Variants in ZNF536 observed in about 807,000 individuals in gnomAD.
ZNF536 encodes zinc finger protein 536.
Under a neutral mutation model 84.5 loss-of-function variants are expected in ZNF536, and 13 were observed. The ratio of observed to expected loss-of-function variants is 0.15; its 90% CI spans 0.10 to 0.24. The LOEUF (loss-of-function observed/expected upper bound fraction) is 0.24. ZNF536 is among the 10% of genes least tolerant of loss of function. ZNF536 has a pLI of 1.00. For synonymous variants in ZNF536, 811 were observed against 742.5 expected (o/e 1.09, Z -1.50); for missense variants, 1,536 against 1,747.5 (o/e 0.88, Z 2.16).
At chr19:30,379,770 G>C (rs933557255) in intron 1 of ZNF536, among the ~76,000 whole-genome samples, 1 of 152,034 alleles carries the variant, frequency 6.6e-6, no homozygotes, top group Admixed American at 6.6e-5. Context: ...AGGGGATGCT[G>C]TAAGGGGTGC....
At chr19:30,243,628 TAGAGA>T (rs1330245007) in intron 1 of ZNF536, among the ~76,000 whole-genome samples, 2 of 152,198 alleles carry the variant, frequency 1.3e-5, no homozygotes, top group Non-Finnish European at 1.5e-5. Flanking sequence ...TTCCCCAACT[TAGAGA>T]AGAGTTCCAA....
Position 30,549,154 on chromosome 19 carries a change from G to A in ZNF536, c.3535G>A (p.Asp1179Asn), listed in dbSNP as rs762646976. Residue 1179 changes from aspartate (D) to asparagine (N), a missense_variant, in exon 4 of 5, where the codon GAT (aspartate) becomes AAT (asparagine). Around this residue, in one of 8 missense-constraint regions of ZNF536, gnomAD observed 624 missense variants for 603.1 expected, o/e 1.03. Coordinates refer to ENST00000355537, the MANE Select transcript of ZNF536 (RefSeq NM_014717.3). ...DMDSSKGENN[D>N]EEDVETEPEM... is the part of the protein sequence containing the mutation. ...GGACTCCTCCAAGGGGGAGAACAAC[G>A]ATGAAGAGGATGTTGAAACCGAACC... 1.3e-5 allele frequency: 21 copies of A among 1,613,954 alleles called. No homozygotes were observed. Among genetic ancestry groups the A allele is most frequent in the Admixed American group, 6.7e-5 (4 of 60,012 alleles).
At chr19:30,300,882 C>G (rs1026648973) in intron 2 of ZNF536, among the ~76,000 whole-genome samples, 2 of 151,812 alleles carry the variant, frequency 1.3e-5, no homozygotes, top group Non-Finnish European at 2.9e-5. Context: ...TCTGGAGGTT[C>G]GAGTCCTAGC....
At position 30,549,258 on chromosome 19, in the gene ZNF536, C is replaced by T. The variant is rs1198557466; in HGVS notation, c.3639C>T (p.Gly1213=). The T allele has an allele frequency of 8.1e-6, 13 of 1,613,840 alleles. No homozygotes were observed. The highest frequency in any genetic ancestry group is 2.7e-5 in the African/African-American group (2 of 74,950). Residue 1213 remains glycine (G), a synonymous_variant, in exon 4 of 5, where the codon GGC becomes GGT. Coordinates refer to ENST00000355537, the MANE Select transcript of ZNF536 (RefSeq NM_014717.3). ...SDGGDSLQPT[G]TSQPVQGLVS... Reference sequence around the variant, plus strand: ...GCGGGGACAGCCTGCAGCCCACAGGCACCTCCCAGCCCGTCCAGGGACTGG... The same window carrying T: ...GCGGGGACAGCCTGCAGCCCACAGGTACCTCCCAGCCCGTCCAGGGACTGG...
At chr19:30,443,523 G>T in intron 1 of ZNF536, 38 bp from the exon 2 acceptor site, 1 of 1,504,644 alleles carries the variant, frequency 6.6e-7, no homozygotes, top group South Asian at 1.4e-5. Flanking sequence ...CGCCACAGCC[G>T]CACCTGGCAC....
intron 1 of ZNF536, among the ~76,000 whole-genome samples, chr19:30,664,810 C>T (rs953977396): frequency 9.2e-5 from 14 of 152,142 alleles, no homozygotes; most frequent in Non-Finnish European, 1.5e-4. Flanking sequence ...TCTCTGATCC[C>T]GCATGTACTC....
intron 1 of ZNF536, among the ~76,000 whole-genome samples, chr19:30,243,857 G>C (rs2024099265): frequency 6.6e-6 from 1 of 152,192 alleles, no homozygotes; most frequent in Non-Finnish European, 1.5e-5. Flanking sequence ...GATGTATAGA[G>C]ATTGCATTGT....
upstream of ZNF536, among the ~76,000 whole-genome samples, chr19:30,227,908 G>A (rs900783070): frequency 2.2e-4 from 33 of 152,006 alleles, no homozygotes; most frequent in Admixed American, 6.5e-5. Context: ...ATGGGCGCGG[G>A]AAGCACGCCT....
chr19:30,686,331 A>G (rs531340816), intron 1 of ZNF536, among the ~76,000 whole-genome samples: 1 of 152,144 alleles, frequency 6.6e-6, no homozygotes, highest in South Asian at 2.1e-4. Context: ...GGTGGCAGTG[A>G]AAGAAAAAAA....
chr19:30,427,266 G>A (rs2147927913), intron 1 of ZNF536, among the ~76,000 whole-genome samples: 1 of 152,320 alleles, frequency 6.6e-6, no homozygotes, highest in South Asian at 2.1e-4. Flanking sequence ...AGAAGGTGTG[G>A]ACAACTCTCA....
chr19:30,515,028 A>G (rs2055576254), intron 2 of ZNF536, among the ~76,000 whole-genome samples: 1 of 152,144 alleles, frequency 6.6e-6, no homozygotes, highest in Non-Finnish European at 1.5e-5. Flanking sequence ...TGGGAGGATC[A>G]TTTGATGAGC....
chr19:30,621,326 G>GTAAC (rs1240271372), intron 1 of ZNF536, among the ~76,000 whole-genome samples: 3 of 152,084 alleles, frequency 2.0e-5, no homozygotes, highest in African/African-American at 7.2e-5. Flanking sequence ...CTTTCTGGAA[G>GTAAC]TAACTGACCT....
At chr19:30,686,113 T>TC (rs1259847089) in intron 1 of ZNF536, among the ~76,000 whole-genome samples, 6 of 152,150 alleles carry the variant, frequency 3.9e-5, no homozygotes, top group African/African-American at 1.4e-4. Flanking sequence ...GTTCTCAGCT[T>TC]CTGCATTTAC....
rs190828719 is a variant in ZNF536 at position 30,279,103 on chromosome 19, C to T, written c.-189-4969C>T. 2.0e-4 allele frequency among the ~76,000 whole-genome samples: 30 copies of T among 152,316 alleles called. No individual in the cohort carries two copies. The East Asian group carries it at 5.2e-3, about 26-fold the overall frequency. The stretch of plus-strand genomic sequence containing the variant: ...CCTGTACCGCCGTTGCCCGCATTCT[C>T]GCAGGGCTCACTCCCTTACTTTATT... On this transcript the variant is annotated intron_variant, in intron 1 of 5. Transcript: ENST00000585628.
At chr19:30,578,112 ATTTAC>A (rs1163762903) in intron 1 of ZNF536, among the ~76,000 whole-genome samples, 2 of 152,108 alleles carry the variant, frequency 1.3e-5, no homozygotes, top group African/African-American at 4.8e-5. Context: ...CCTGTATCCT[ATTTAC>A]TTGCAAATAA....
At chr19:30,642,892 C>A (rs2049317467) in intron 1 of ZNF536, among the ~76,000 whole-genome samples, 1 of 152,124 alleles carries the variant, frequency 6.6e-6, no homozygotes, top group African/African-American at 2.4e-5. Context: ...AGCCCAGCTC[C>A]CTGAGGGACA....
chr19:30,239,304 C>A (rs976520771), intron 1 of ZNF536, among the ~76,000 whole-genome samples: 3 of 152,180 alleles, frequency 2.0e-5, no homozygotes, highest in Admixed American at 6.5e-5. Context: ...ATTCTGAGAA[C>A]ACTCTCTGTC....
intron 2 of ZNF536, among the ~76,000 whole-genome samples, chr19:30,466,632 T>G (rs1297570249): frequency 2.9e-5 from 2 of 68,280 alleles, no homozygotes; most frequent in Admixed American, 1.3e-4. Context: ...ATTTTAACTG[T>G]TTTTTTTTTG....
At chr19:30,516,195 A>T (rs953605300) in intron 2 of ZNF536, among the ~76,000 whole-genome samples, 2 of 152,018 alleles carry the variant, frequency 1.3e-5, no homozygotes, top group African/African-American at 4.8e-5. Flanking sequence ...TCTAAGATGA[A>T]TGAGGACCAT....
Sources: gnomAD v4.1 joint callset for allele counts (sites outside exome capture counted in the v4.1 genomes callset) on GRCh38, gnomAD v4.1.1 for gene constraint, gnomAD v4.1.1 regional missense constraint, MANE v1.5 for transcripts, NCBI Gene and HGNC (gene_info 2026-07-23, HGNC 2026-07-21) for gene names.